The following PRPS2 variants were observed in gnomAD, a reference collection of about 807,000 sequenced individuals.
PRPS2 encodes phosphoribosyl pyrophosphate synthetase 2.
For missense variants in PRPS2, 104 were observed against 271.5 expected (o/e 0.38, Z 4.34); for synonymous variants, 111 against 115.3 (o/e 0.96, Z 0.24).
At position 12,801,799 on chromosome X, in the gene PRPS2, A is replaced by G. The variant is rs1016962929; in HGVS notation, c.306+2409A>G. 4.5e-5 allele frequency among the ~76,000 whole-genome samples: 5 copies of G among 111,700 alleles called. 1 individual carries two copies. The highest frequency in any genetic ancestry group is 9.4e-5 in the Non-Finnish European group (5 of 53,066). On this transcript the variant is annotated intron_variant, in intron 2 of 6. Coordinates refer to ENST00000380668, the MANE Select transcript of PRPS2 (RefSeq NM_002765.5). ...AATTTTTGTATTTTTGGTAGAGACGAGGTTTCACCATGCTGGCCAGGCTGG... is the reference window on the plus strand; with the variant it reads ...AATTTTTGTATTTTTGGTAGAGACGGGGTTTCACCATGCTGGCCAGGCTGG...
chrX:12,792,132 C>T (rs2042522725), intron 1 of PRPS2, among the ~76,000 whole-genome samples: 1 of 112,874 alleles, frequency 8.9e-6, no homozygotes, highest in African/African-American at 3.2e-5. Context: ...TGGTTGCACG[C>T]TGGGTTTACC....
intron 2 of PRPS2, among the ~76,000 whole-genome samples, chrX:12,800,230 G>A (rs1201894290): frequency 8.9e-6 from 1 of 111,781 alleles, no homozygotes; most frequent in Non-Finnish European, 1.9e-5. Flanking sequence ...GGCTGTAAGG[G>A]AGGCTGCTTC....
At chrX:12,805,238 C>T (rs1352815729) in intron 2 of PRPS2, among the ~76,000 whole-genome samples, 1 of 112,472 alleles carries the variant, frequency 8.9e-6, no homozygotes, top group Non-Finnish European at 1.9e-5. Flanking sequence ...TGAGCTCTGG[C>T]ACTGAGAATC....
At chrX:12,813,495 T>TA (rs1189830263) in intron 4 of PRPS2, among the ~76,000 whole-genome samples, 2 of 112,374 alleles carry the variant, frequency 1.8e-5, no homozygotes, top group Non-Finnish European at 3.8e-5. Flanking sequence ...AGTGCCAAAA[T>TA]ATGGTCTTTT....
chrX:12,801,528 G>A (rs1309496109), intron 2 of PRPS2, among the ~76,000 whole-genome samples: 2 of 112,281 alleles, frequency 1.8e-5, no homozygotes, highest in African/African-American at 3.2e-5. Flanking sequence ...CCATGTCATA[G>A]AAGAGCTAAT....
chrX:12,798,782 A>G (rs1433009157), intron 1 of PRPS2, among the ~76,000 whole-genome samples: 2 of 111,505 alleles, frequency 1.8e-5, no homozygotes, highest in African/African-American at 6.5e-5. Flanking sequence ...TTGATAAACA[A>G]TGTGGTTCAT....
rs1254371339 is a variant in PRPS2 at position 12,823,153 on chromosome X, C to T, written c.*357C>T. On this transcript the variant is annotated 3_prime_UTR_variant, in exon 7 of 7. Transcript: ENST00000380668. ...TGTGGAAGTCATAGTTTATATATTT[C>T]GAGGTTGCCAAAGGTGACTTCAGAT... The T allele has an allele frequency of 2.5e-5, 4 of 158,667 alleles. No individual in the cohort carries two copies. The highest frequency in any genetic ancestry group is 3.5e-5 in the Non-Finnish European group (3 of 85,249). 13.1% of individuals were successfully genotyped at this position (158,667 alleles called of 1,213,427 possible). A position where few individuals can be genotyped will look rare whatever the true frequency, so the allele number is the denominator to read the frequency against.
intron 6 of PRPS2, among the ~76,000 whole-genome samples, chrX:12,821,294 GAC>G (rs1168213178): frequency 9.0e-6 from 1 of 111,689 alleles, no homozygotes; most frequent in Admixed American, 9.5e-5. Context: ...AAGAAATCCT[GAC>G]ACATGCTACA....
At chrX:12,816,356 T>G (rs2147223096) in intron 4 of PRPS2, among the ~76,000 whole-genome samples, 1 of 111,231 alleles carries the variant, frequency 9.0e-6, no homozygotes, top group South Asian at 3.8e-4. Context: ...GGCTGGAGTG[T>G]AGTGGCGCGA....
At chrX:12,821,933 C>A (rs1017239553) in intron 6 of PRPS2, among the ~76,000 whole-genome samples, 1 of 112,724 alleles carries the variant, frequency 8.9e-6, no homozygotes, top group Non-Finnish European at 1.9e-5. Context: ...TCCAAAGCCT[C>A]GGCTCCCATC....
intron 4 of PRPS2, 92 bp from the exon 5 acceptor site, chrX:12,819,415 G>A (rs780766236): frequency 2.5e-5 from 25 of 997,844 alleles, no homozygotes; most frequent in African/African-American, 3.8e-5. Flanking sequence ...ATCATCTCTC[G>A]GGTGTGGTTG....
At chrX:12,792,963 G>A (rs756462042) in intron 1 of PRPS2, among the ~76,000 whole-genome samples, 5 of 112,110 alleles carry the variant, frequency 4.5e-5, no homozygotes, top group Non-Finnish European at 9.4e-5. Flanking sequence ...TTATGGCTCC[G>A]ATGATAATAT....
At chrX:12,792,018 G>A (rs1231965708) in intron 1 of PRPS2, among the ~76,000 whole-genome samples, 6 of 113,296 alleles carry the variant, frequency 5.3e-5, no homozygotes, top group Non-Finnish European at 9.4e-5. Context: ...GTCAGCGCGC[G>A]GTGGAGAGAC....
At chrX:12,807,139 G>C (rs1285560662) in intron 2 of PRPS2, among the ~76,000 whole-genome samples, 1 of 112,274 alleles carries the variant, frequency 8.9e-6, no homozygotes, top group Non-Finnish European at 1.9e-5. Flanking sequence ...TAGTCCTGGA[G>C]ACTGGAAGAC....
chrX:12,806,854 T>C (rs921270918), intron 2 of PRPS2, among the ~76,000 whole-genome samples: 5 of 111,882 alleles, frequency 4.5e-5, no homozygotes, highest in African/African-American at 1.6e-4. Context: ...TTTGGGAGGC[T>C]GAGGTGGGCG....
intron 4 of PRPS2, 22 bp downstream of exon 4, chrX:12,810,168 G>A: frequency 8.3e-7 from 1 of 1,205,748 alleles, no homozygotes; most frequent in Non-Finnish European, 1.1e-6. Flanking sequence ...GCTACACCTT[G>A]CAGATTTCTC....
chrX:12,803,526 G>A (rs1234965692), intron 2 of PRPS2, among the ~76,000 whole-genome samples: 1 of 112,436 alleles, frequency 8.9e-6, no homozygotes, highest in Non-Finnish European at 1.9e-5. Flanking sequence ...AATTCTCCTG[G>A]GCTCAAGAGA....
At chrX:12,816,643 T>C (rs982242207) in intron 4 of PRPS2, among the ~76,000 whole-genome samples, 2 of 111,480 alleles carry the variant, frequency 1.8e-5, no homozygotes, top group African/African-American at 6.5e-5. Context: ...AAGTAGACAT[T>C]ATTATTATTT....
In PRPS2 at chrX:12,824,065, TA is replaced by T. The variant is rs1442448375; in HGVS notation, c.*1270del. On this transcript the variant is annotated 3_prime_UTR_variant, in exon 7 of 7. Coordinates refer to ENST00000380668, the MANE Select transcript of PRPS2 (RefSeq NM_002765.5). ...CCAACTTAAATTACATTAGTCAACT[TA>T]TAGATACTCATATGATCACTTTTCT... 1 of 112,559 alleles carries T rather than the reference TA, an allele frequency of 8.9e-6. No individual in the cohort carries two copies. Among genetic ancestry groups the T allele is most frequent in the Non-Finnish European group, 1.9e-5 (1 of 53,331 alleles). 9.3% of individuals were successfully genotyped at this position (112,559 alleles called of 1,213,427 possible).
Sources: allele counts gnomAD v4.1 joint callset (sites outside exome capture counted in the v4.1 genomes callset), GRCh38; gene constraint gnomAD v4.1.1; transcripts MANE v1.5; gene names NCBI Gene and HGNC (gene_info 2026-07-23, HGNC 2026-07-21).